Variants in LRRC58 observed in about 807,000 individuals in gnomAD.
LRRC58 encodes leucine rich repeat containing 58.
A neutral mutation model predicts 30.6 loss-of-function variants in LRRC58; 18 were observed. The observed-to-expected ratio is 0.59, with a 90% CI of 0.41 to 0.87. LRRC58 has a LOEUF of 0.87. Ranked by LOEUF, LRRC58 falls within the 40% of genes least tolerant of loss-of-function variation. The pLI is 0.00. For missense variants in LRRC58, 420 were observed against 468.4 expected (o/e 0.90, Z 0.95); for synonymous variants, 221 against 206.0 (o/e 1.07, Z -0.62).
At chr3:120,335,221 C>T in intron 2 of LRRC58, 82 bp from the exon 3 acceptor site, 1 of 1,207,268 alleles carries the variant, frequency 8.3e-7, no homozygotes, top group Non-Finnish European at 1.2e-6. Flanking sequence ...GTATACAGAA[C>T]TTGATTTCCC....
intron 2 of LRRC58, 109 bp from the exon 3 acceptor site, chr3:120,335,248 TA>T (rs1308703996): frequency 1.7e-5 from 16 of 923,328 alleles, no homozygotes; most frequent in Middle Eastern, 2.5e-4. Context: ...AATGAGCAAT[TA>T]AGATTAAGGT....
Position 120,327,517 on chromosome 3 carries a change from G to A in LRRC58, c.*3683C>T, listed in dbSNP as rs1315233564. On this transcript the variant is annotated 3_prime_UTR_variant, in exon 4 of 4. Transcript: ENST00000295628. ...GATCCACCCGCCTCGGCCTCCCAAA[G>A]TGCTGGGATTACAAGCGTGAGCCAC... 6.6e-6 allele frequency: 1 copy of A among 151,814 alleles called. No homozygotes were observed. Among genetic ancestry groups the A allele is most frequent in the East Asian group, 1.9e-4 (1 of 5,170 alleles). 9.4% of individuals were successfully genotyped at this position (151,814 alleles called of 1,614,324 possible). A position where few individuals can be genotyped will look rare whatever the true frequency, so the allele number is the denominator to read the frequency against.
Position 120,349,063 on chromosome 3 carries a change from G to A in LRRC58, c.181C>T (p.Arg61Trp). Residue 61 changes from arginine (R) to tryptophan (W), a missense_variant, in exon 1 of 4, where the codon CGG becomes TGG. Around this residue, in one of 2 missense-constraint regions of LRRC58, gnomAD observed 266 missense variants for 251.7 expected, o/e 1.06. Coordinates refer to ENST00000295628, the MANE Select transcript of LRRC58 (RefSeq NM_001099678.2). ...TGCGGGAAGCCGCTGCCCAGCGCCCGTGGCAGCGACACCAGACGGTTGTGA... is the reference window on the plus strand; with the variant it reads ...TGCGGGAAGCCGCTGCCCAGCGCCCATGGCAGCGACACCAGACGGTTGTGA... ...LPHNRLVSLP[R>W]ALGSGFPHLQ... 1 of 1,518,298 alleles carries A rather than the reference G, an allele frequency of 6.6e-7. No homozygotes were observed. Among genetic ancestry groups the A allele is most frequent in the Non-Finnish European group, 8.8e-7 (1 of 1,141,512 alleles). The allele number at this position is 1,518,298 out of a possible 1,614,324, so 94.1% of individuals were successfully genotyped here. A position where few individuals can be genotyped will look rare whatever the true frequency, so the allele number is the denominator to read the frequency against.
At chr3:120,335,175 A>C (rs776573413) in intron 2 of LRRC58, 36 bp from the exon 3 acceptor site, 1 of 1,555,266 alleles carries the variant, frequency 6.4e-7, no homozygotes, top group African/African-American at 1.4e-5. Flanking sequence ...AATGGCAGTA[A>C]ACAACGTAAC....
At chr3:120,341,339 A>G (rs549936447) in intron 1 of LRRC58, among the ~76,000 whole-genome samples, 80 of 152,336 alleles carry the variant, frequency 5.3e-4, no homozygotes, top group Non-Finnish European at 9.3e-4. Context: ...CAGGGAAAAA[A>G]ACTGAGCAAA....
chr3:120,345,807 G>A (rs955916368), intron 1 of LRRC58, among the ~76,000 whole-genome samples: 5 of 152,204 alleles, frequency 3.3e-5, no homozygotes, highest in Admixed American at 1.3e-4. Context: ...AAACAGTGAC[G>A]TTAAAGATAT....
intron 3 of LRRC58, among the ~76,000 whole-genome samples, chr3:120,332,900 C>T (rs541867560): frequency 6.6e-6 from 1 of 152,030 alleles, no homozygotes; most frequent in East Asian, 1.9e-4. Context: ...CAAGCACATG[C>T]CACTATGCCC....
intron 1 of LRRC58, among the ~76,000 whole-genome samples, chr3:120,337,891 T>G (rs186272647): frequency 1.3e-5 from 2 of 152,046 alleles, no homozygotes; most frequent in Non-Finnish European, 2.9e-5. Flanking sequence ...CAGGCTGGAG[T>G]GCACTGGCAT....
intron 1 of LRRC58, among the ~76,000 whole-genome samples, chr3:120,337,587 T>C (rs1226578701): frequency 1.3e-5 from 2 of 152,308 alleles, no homozygotes; most frequent in African/African-American, 2.4e-5. Context: ...ATGTATTATA[T>C]GTACAAAAAG....
intron 2 of LRRC58, 50 bp downstream of exon 2, chr3:120,335,775 A>G (rs1266443538): frequency 6.3e-6 from 9 of 1,437,650 alleles, no homozygotes; most frequent in African/African-American, 1.4e-5. Context: ...CAAGACAATA[A>G]TTACTAAGCA....
intron 1 of LRRC58, among the ~76,000 whole-genome samples, chr3:120,343,402 A>G (rs1352146437): frequency 6.6e-6 from 1 of 152,198 alleles, no homozygotes; most frequent in Admixed American, 6.5e-5. Context: ...GCAAAACTGT[A>G]GGGTTTAAGT....
At chr3:120,331,620 T>C (rs1576180747) in intron 3 of LRRC58, among the ~76,000 whole-genome samples, 1 of 152,182 alleles carries the variant, frequency 6.6e-6, no homozygotes, top group Non-Finnish European at 1.5e-5. Flanking sequence ...AGGACATTTA[T>C]CTTAAAGGGA....
At chr3:120,332,001 G>T (rs972533114) in intron 3 of LRRC58, among the ~76,000 whole-genome samples, 4 of 152,178 alleles carry the variant, frequency 2.6e-5, no homozygotes, top group Admixed American at 2.6e-4. Context: ...ACATCGTCAG[G>T]TAAACTGAAA....
At position 120,324,642 on chromosome 3, in the gene LRRC58, G is replaced by C. The variant is rs1935648795; in HGVS notation, c.*6558C>G. The C allele has an allele frequency of 6.6e-6, 1 of 152,184 alleles. No homozygotes were observed. The highest frequency in any genetic ancestry group is 2.1e-4 in the South Asian group (1 of 4,832). 9.4% of individuals were successfully genotyped at this position (152,184 alleles called of 1,614,324 possible). A position where few individuals can be genotyped will look rare whatever the true frequency, so the allele number is the denominator to read the frequency against. On this transcript the variant is annotated 3_prime_UTR_variant, in exon 4 of 4. Coordinates refer to ENST00000295628, the MANE Select transcript of LRRC58 (RefSeq NM_001099678.2). Reference sequence around the variant, plus strand: ...TTTATTAAAATAAGGCACAATGTTTGATATGGCAAAATTCACAGAGGATTG... The same window carrying C: ...TTTATTAAAATAAGGCACAATGTTTCATATGGCAAAATTCACAGAGGATTG...
rs887209503 is a variant in LRRC58, at chr3:120,331,053, T to C, written c.*147A>G. On this transcript the variant is annotated 3_prime_UTR_variant, in exon 4 of 4. Coordinates refer to ENST00000295628, the MANE Select transcript of LRRC58 (RefSeq NM_001099678.2). Reference sequence around the variant, plus strand: ...GACTCATTCTTGCTGAATGGGTAGATGAAACACAAAATGTTTTATATCATC... The same window carrying C: ...GACTCATTCTTGCTGAATGGGTAGACGAAACACAAAATGTTTTATATCATC... 1 of 666,414 alleles carries C rather than the reference T, an allele frequency of 1.5e-6. No homozygotes were observed. The highest frequency in any genetic ancestry group is 2.6e-6 in the Non-Finnish European group (1 of 379,904). The allele number at this position is 666,414 out of a possible 1,614,324, so 41.3% of individuals were successfully genotyped here. A position where few individuals can be genotyped will look rare whatever the true frequency, so the allele number is the denominator to read the frequency against.
intron 3 of LRRC58, among the ~76,000 whole-genome samples, chr3:120,332,603 G>A (rs923012337): frequency 6.6e-6 from 1 of 152,152 alleles, no homozygotes; most frequent in African/African-American, 2.4e-5. Flanking sequence ...ACACTATCTT[G>A]TGATTTATAA....
At position 120,331,359 on chromosome 3, in the gene LRRC58, A is replaced by G; in HGVS notation, c.957T>C (p.Cys319=). 1 of 1,613,976 alleles carries G rather than the reference A, an allele frequency of 6.2e-7. No homozygotes were observed. ...GCATCAGTGGGAGGCGATACTTCCCACAGAAGTCCACAAATTTAATTTGTC... is the reference window on the plus strand; with the variant it reads ...GCATCAGTGGGAGGCGATACTTCCCGCAGAAGTCCACAAATTTAATTTGTC... The part of the protein sequence containing the change: ...CVRQIKFVDF[C]GKYRLPLMHY... Residue 319 remains cysteine (C), a synonymous_variant, in exon 4 of 4, where the codon TGT becomes TGC. Coordinates refer to ENST00000295628, the MANE Select transcript of LRRC58 (RefSeq NM_001099678.2).
At chr3:120,344,499 A>G (rs952731697) in intron 1 of LRRC58, among the ~76,000 whole-genome samples, 3 of 152,214 alleles carry the variant, frequency 2.0e-5, no homozygotes, top group Non-Finnish European at 2.9e-5. Flanking sequence ...CCTTTCTAAC[A>G]TATCAACCTA....
At chr3:120,346,295 C>CA (rs373218568) in intron 1 of LRRC58, among the ~76,000 whole-genome samples, 12 of 152,014 alleles carry the variant, frequency 7.9e-5, no homozygotes, top group African/African-American at 2.9e-4. Flanking sequence ...CAAAAACAAG[C>CA]AAAAAACCAT....
Sources: allele counts gnomAD v4.1 joint callset (sites outside exome capture counted in the v4.1 genomes callset), GRCh38; gene constraint gnomAD v4.1.1; regional missense constraint gnomAD v4.1.1; transcripts MANE v1.5; gene names NCBI Gene and HGNC (gene_info 2026-07-23, HGNC 2026-07-21).